DCTD: variants seen among roughly 807,000 people sequenced by gnomAD.
DCTD encodes the protein deoxycytidylate deaminase.
DCTD carries 23 observed loss-of-function variants against 21.0 expected under a neutral mutation model. The ratio of observed to expected loss-of-function variants is 1.09; its 90% CI spans 0.79 to 1.55. The LOEUF is 1.55. Among genes scored for constraint, DCTD ranks in the 40% most tolerant of loss-of-function variants. The pLI is 0.00. For synonymous variants in DCTD, 71 were observed against 81.1 expected (o/e 0.88, Z 0.67); for missense variants, 224 against 230.0 (o/e 0.97, Z 0.17).
chr4:182,917,336 G>T lies in DCTD; in HGVS notation c.-33C>A. 9.1e-7 allele frequency: 1 copy of T among 1,095,038 alleles called. No homozygotes were observed. Among genetic ancestry groups the T allele is most frequent in the Non-Finnish European group, 1.1e-6 (1 of 901,444 alleles). 67.8% of individuals were successfully genotyped at this position (1,095,038 alleles called of 1,614,324 possible). On this transcript the variant is annotated 5_prime_UTR_variant, in exon 1 of 6. Transcript: ENST00000438320. This position sits in a 1 kb window ranked among gnomAD's most constrained non-coding sequence, Gnocchi z 4.9. ...CATCCGGTGCCGGCTCCGCGCGCAG[G>T]CCGGTGCTCGTCCCCGCCGCCGCCG...
chr4:182,898,361 G>C (rs747572993), intron 3 of DCTD, among the ~76,000 whole-genome samples: 4 of 152,226 alleles, frequency 2.6e-5, no homozygotes, highest in Non-Finnish European at 5.9e-5. Flanking sequence ...CTTGGAAGCC[G>C]GATGACCTTC....
intron 3 of DCTD, among the ~76,000 whole-genome samples, chr4:182,907,989 T>C (rs1381291218): frequency 6.6e-6 from 1 of 152,006 alleles, no homozygotes; most frequent in Non-Finnish European, 1.5e-5. Flanking sequence ...TATGGGGCTT[T>C]ACTTAGCTAA....
At chr4:182,894,357 T>C (rs1734336321) in intron 4 of DCTD, 132 bp downstream of exon 4, 1 of 605,190 alleles carries the variant, frequency 1.7e-6, no homozygotes, top group Admixed American at 3.0e-5. Flanking sequence ...ACACGGGAAA[T>C]ATCTTGCAAA....
chr4:182,915,655 G>T, intron 1 of DCTD, 80 bp from the exon 2 acceptor site: 1 of 1,002,640 alleles, frequency 1.0e-6, no homozygotes, highest in Non-Finnish European at 1.6e-6. Context: ...CAACCACACT[G>T]AACCTTTAAA....
In DCTD at chr4:182,913,082, C is replaced by T. The variant is rs73869890; in HGVS notation, c.244+1841G>A. The stretch of plus-strand genomic sequence containing the variant: ...ACCATTTTTATAGGGGACTTTGAAC[C>T]GCACTGTGAAAAATTATCTTTGCAT... On this transcript the variant is annotated intron_variant, in intron 3 of 5. Coordinates refer to ENST00000438320, the MANE Select transcript of DCTD (RefSeq NM_001921.3). Among the ~76,000 whole-genome samples the T allele has an allele frequency of 5.2e-3, 797 of 152,236 alleles. 8 individuals are homozygous for T. Among genetic ancestry groups the T allele is most frequent in the African/African-American group, 0.018 (764 of 41,534 alleles).
intron 3 of DCTD, among the ~76,000 whole-genome samples, chr4:182,897,578 CAT>C (rs1225582561): frequency 6.6e-6 from 1 of 151,906 alleles, no homozygotes; most frequent in Non-Finnish European, 1.5e-5. Context: ...GTCGGGTACA[CAT>C]GAGACTCTAA....
intron 4 of DCTD, among the ~76,000 whole-genome samples, chr4:182,893,386 G>A (rs969780480): frequency 6.6e-6 from 1 of 152,128 alleles, no homozygotes; most frequent in Non-Finnish European, 1.5e-5. Context: ...AAGTAGTCAA[G>A]CCTTGATCCG....
At chr4:182,909,124 C>T (rs35619807) in intron 3 of DCTD, among the ~76,000 whole-genome samples, 9,232 of 152,134 alleles carry the variant, frequency 0.061, 334 homozygotes, top group South Asian at 0.1. Flanking sequence ...AAATAGTAAA[C>T]TCTAGCACTT....
chr4:182,891,401 A>T lies in DCTD; in HGVS notation c.535T>A (p.Ter179ArgextTer32), dbSNP rs754244710. The T allele has an allele frequency of 2.5e-6, 4 of 1,601,730 alleles. No individual in the cohort carries two copies. The highest frequency in any genetic ancestry group is 3.4e-6 in the Non-Finnish European group (4 of 1,168,732). The change falls in exon 6 of 6, where the codon TGA (stop) becomes AGA (arginine). Residue 179 changes from the stop codon to arginine (R), a stop_lost. Coordinates refer to ENST00000438320, the MANE Select transcript of DCTD (RefSeq NM_001921.3). ...INSRPSQKLQ* is the reference protein window; with the variant it reads ...INSRPSQKLQR ...CTGGAGATTGAATGAGATGTAACTC[A>T]CTGAAGCTTTTGACTCGGTCTGCTG... is the stretch of plus-strand genomic sequence containing the variant.
At chr4:182,916,014 T>C (rs1738665229) in intron 1 of DCTD, 2 of 345,974 alleles carry the variant, frequency 5.8e-6, no homozygotes, top group Non-Finnish European at 8.4e-6. Context: ...CTAGCTAAGG[T>C]AGACAGTGCC....
chr4:182,893,253 AG>A (rs2152854331), intron 4 of DCTD, 126 bp from the exon 5 acceptor site: 1 of 715,134 alleles, frequency 1.4e-6, no homozygotes, highest in East Asian at 2.7e-5. Flanking sequence ...GCTTGCAGAC[AG>A]TGTCCAGTCA....
upstream of DCTD, chr4:182,917,419 A>G (rs566616497): frequency 1.0e-6 from 1 of 977,290 alleles, no homozygotes; most frequent in South Asian, 4.8e-5. The surrounding 1 kb of genome is among the most constrained non-coding windows in gnomAD (Gnocchi z 4.9). Context: ...GGAAGGGGGC[A>G]GCGGCCCGGG....
At chr4:182,910,515 A>G (rs2854559) in intron 3 of DCTD, among the ~76,000 whole-genome samples, 146,256 of 152,270 alleles carry the variant, frequency 0.96, 70,464 homozygotes, top group Non-Finnish European at 1. Context: ...ACTTCATCAC[A>G]GGTTTAGCAA....
At position 182,909,330 on chromosome 4, in the gene DCTD, C is replaced by T. The variant is rs562501666; in HGVS notation, c.244+5593G>A. The stretch of plus-strand genomic sequence containing the variant: ...TACACTGGTGTGTCCCTCTGTTTAT[C>T]TGAAACCCCACACGATCACAGCTGA... On this transcript the variant is annotated intron_variant, in intron 3 of 5. Transcript: ENST00000438320. Among the ~76,000 whole-genome samples the T allele has an allele frequency of 2.0e-5, 3 of 152,290 alleles. No individual in the cohort carries two copies. The East Asian group carries it at 5.8e-4, about 29-fold the overall frequency.
At chr4:182,892,972 A>G in intron 5 of DCTD, 59 bp downstream of exon 5, 1 of 1,017,444 alleles carries the variant, frequency 9.8e-7, no homozygotes, top group Non-Finnish European at 1.5e-6. Flanking sequence ...AAGGTCAAAT[A>G]CATCTCTTCA....
chr4:182,892,973 C>CATCT (rs1037916489), intron 5 of DCTD, 58 bp downstream of exon 5: 1 of 1,030,210 alleles, frequency 9.7e-7, no homozygotes, highest in Non-Finnish European at 1.5e-6. Context: ...AGGTCAAATA[C>CATCT]ATCTCTTCAT....
chr4:182,916,447 A>C, intron 1 of DCTD: 1 of 985,610 alleles, frequency 1.0e-6, no homozygotes, highest in Non-Finnish European at 1.2e-6. Flanking sequence ...AAGGCGAGGA[A>C]TGTGGTCTAA....
At chr4:182,892,612 A>G (rs186986492) in intron 5 of DCTD, among the ~76,000 whole-genome samples, 7 of 139,218 alleles carry the variant, frequency 5.0e-5, no homozygotes, top group African/African-American at 1.1e-4. Flanking sequence ...CTGGTGACAG[A>G]GCGAGACTCC....
intron 3 of DCTD, among the ~76,000 whole-genome samples, chr4:182,901,926 T>C (rs1300474777): frequency 6.6e-6 from 1 of 152,178 alleles, no homozygotes; most frequent in Non-Finnish European, 1.5e-5. Flanking sequence ...CCTGGACATG[T>C]TGTCTCTGGG....
Sources: gnomAD v4.1 joint callset for allele counts (sites outside exome capture counted in the v4.1 genomes callset) on GRCh38, gnomAD v4.1.1 for gene constraint, Gnocchi (gnomAD v3.1) non-coding constraint, MANE v1.5 for transcripts, NCBI Gene and HGNC (gene_info 2026-07-23, HGNC 2026-07-21) for gene names.